The following FANK1 variants were observed in gnomAD, a reference collection of about 807,000 sequenced individuals.
The protein encoded by FANK1 is fibronectin type III and ankyrin repeat domains 1.
Under a neutral mutation model 45.3 loss-of-function variants are expected in FANK1, and 44 were observed. The ratio of observed to expected loss-of-function variants is 0.97; its 90% confidence interval spans 0.76 to 1.25. The LOEUF (loss-of-function observed/expected upper bound fraction) is 1.25, where lower values mean the gene tolerates loss of function less well. FANK1 is among the 50% of genes most tolerant of loss of function. FANK1 has a pLI of 0.00. For synonymous variants in FANK1, 149 were observed against 152.5 expected (o/e 0.98, Z 0.17); for missense variants, 391 against 424.4 (o/e 0.92, Z 0.69).
chr10:125,973,650 A>G (rs1170651659), intron 1 of FANK1: 1 of 159,180 alleles, frequency 6.3e-6, no homozygotes, highest in Non-Finnish European at 1.3e-5. Flanking sequence ...TTTTAAACAT[A>G]TCAAAATTAT....
At chr10:125,918,647 CACCATTT>C (rs1946688482) in intron 1 of FANK1, among the ~76,000 whole-genome samples, 1 of 131,228 alleles carries the variant, frequency 7.6e-6, no homozygotes, top group South Asian at 2.5e-4. Context: ...ATTTTATAAG[CACCATTT>C]ACCATTTGAT....
intron 1 of FANK1, among the ~76,000 whole-genome samples, chr10:125,920,868 T>C (rs1254543773): frequency 1.3e-5 from 2 of 152,272 alleles, no homozygotes; most frequent in Non-Finnish European, 2.9e-5. Flanking sequence ...GGGAGATACC[T>C]ATATGCACTA....
intron 1 of FANK1, among the ~76,000 whole-genome samples, chr10:125,940,124 C>G (rs1451069262): frequency 2.0e-5 from 3 of 152,050 alleles, no homozygotes; most frequent in Non-Finnish European, 2.9e-5. Context: ...TATTTCTCAT[C>G]AGGTGGGACA....
intron 2 of FANK1, among the ~76,000 whole-genome samples, chr10:125,988,282 G>A (rs1043810212): frequency 1.3e-5 from 2 of 152,154 alleles, no homozygotes; most frequent in African/African-American, 4.8e-5. Flanking sequence ...CGTGGTTAAC[G>A]TGATTATTTC....
chr10:125,943,278 T>G (rs1429865544), intron 1 of FANK1, among the ~76,000 whole-genome samples: 1 of 152,166 alleles, frequency 6.6e-6, no homozygotes, highest in African/African-American at 2.4e-5. Flanking sequence ...TAGCCTAAAA[T>G]TGTTTTTCTA....
chr10:125,983,379 G>A lies in FANK1; in HGVS notation c.191+3041G>A, dbSNP rs967182724. ...CCGTGTGTCAGACACTGCTCCGGAT[G>A]CTGGGGATACGGCACTGGGAAAAAA... On this transcript the variant is annotated intron_variant, in intron 2 of 10. Transcript: ENST00000368693. This position sits in a 1 kb window ranked among gnomAD's most constrained non-coding sequence, Gnocchi z 4.3. Among the ~76,000 whole-genome samples, 3 of 152,168 alleles carry A rather than the reference G, an allele frequency of 2.0e-5. No homozygotes were observed. The highest frequency in any genetic ancestry group is 7.2e-5 in the African/African-American group (3 of 41,424).
At chr10:125,953,987 G>T (rs924356465) in intron 1 of FANK1, among the ~76,000 whole-genome samples, 25 of 146,302 alleles carry the variant, frequency 1.7e-4, no homozygotes, top group African/African-American at 3.7e-4. Context: ...GGTGCTGCTC[G>T]CAAGTTTGGT....
At chr10:125,968,155 C>G (rs1950291109) in intron 1 of FANK1, among the ~76,000 whole-genome samples, 1 of 151,586 alleles carries the variant, frequency 6.6e-6, no homozygotes, top group African/African-American at 2.4e-5. Context: ...ATGATAGGGT[C>G]TCTCTAGGTT....
At chr10:125,985,099 T>TG (rs71486562) in intron 2 of FANK1, among the ~76,000 whole-genome samples, 52,688 of 152,158 alleles carry the variant, frequency 0.35, 9,776 homozygotes, top group South Asian at 0.45. Flanking sequence ...CTAACACAGT[T>TG]GCGTTATTTC....
chr10:125,905,401 G>A (rs1329403025), intron 1 of FANK1, among the ~76,000 whole-genome samples: 1 of 152,364 alleles, frequency 6.6e-6, no homozygotes, highest in African/African-American at 2.4e-5. Context: ...TGTTTTTGTG[G>A]GAAAGTTTTA....
At chr10:125,997,612 G>T (rs754087885) in intron 6 of FANK1, 127 bp downstream of exon 6, 84 of 786,742 alleles carry the variant, frequency 1.1e-4, no homozygotes, top group Non-Finnish European at 1.5e-4. Context: ...GAGGTGAGTG[G>T]GTCGCTGAGG....
At chr10:125,939,078 G>A (rs898194465) in intron 1 of FANK1, among the ~76,000 whole-genome samples, 1 of 152,100 alleles carries the variant, frequency 6.6e-6, no homozygotes, top group African/African-American at 2.4e-5. Flanking sequence ...TTTGCTAAAA[G>A]TGTTTAATTT....
At chr10:125,998,767 C>T (rs1030444114) in intron 6 of FANK1, among the ~76,000 whole-genome samples, 4 of 152,080 alleles carry the variant, frequency 2.6e-5, no homozygotes, top group Non-Finnish European at 5.9e-5. Context: ...AAATTTAAAC[C>T]GCCAAGTCAA....
intron 1 of FANK1, among the ~76,000 whole-genome samples, chr10:125,927,023 C>A (rs1240508429): frequency 6.6e-6 from 1 of 152,224 alleles, no homozygotes; most frequent in African/African-American, 2.4e-5. Context: ...GCTGCTCTTA[C>A]CTCCTCTCGA....
chr10:125,960,279 G>C, intron 1 of FANK1: 1 of 297,774 alleles, frequency 3.4e-6, no homozygotes. Context: ...ATCCTTTCAG[G>C]CATTCTGCAT....
At chr10:125,991,710 C>T (rs567513104) in intron 3 of FANK1, among the ~76,000 whole-genome samples, 2 of 152,182 alleles carry the variant, frequency 1.3e-5, no homozygotes, top group East Asian at 3.9e-4. Flanking sequence ...CAGTTGGGCC[C>T]TTATAAAGAA....
In FANK1 at chr10:126,008,447, T is replaced by C. The variant is rs1953403449; in HGVS notation, c.746T>C (p.Met249Thr). The C allele has an allele frequency of 1.9e-6, 3 of 1,607,922 alleles. No individual in the cohort carries two copies. The highest frequency in any genetic ancestry group is 1.1e-5 in the South Asian group (1 of 90,806). Reference sequence around the variant, plus strand: ...ACTGGTTCAGGATGGACCCCACTCATGAGAGTCTCTGCGGTGTCGGGAAAT... The same window carrying C: ...ACTGGTTCAGGATGGACCCCACTCACGAGAGTCTCTGCGGTGTCGGGAAAT... ...VDTGSGWTPLMRVSAVSGNQR... is the reference protein window; with the variant it reads ...VDTGSGWTPLTRVSAVSGNQR... The change falls in exon 8 of 11, where the codon ATG becomes ACG. Residue 249 changes from methionine to threonine, a missense_variant. Transcript: ENST00000368693.
At chr10:125,998,322 T>C (rs1477808167) in intron 6 of FANK1, among the ~76,000 whole-genome samples, 1 of 152,244 alleles carries the variant, frequency 6.6e-6, no homozygotes, top group African/African-American at 2.4e-5. Context: ...AGAAGGCCTA[T>C]CTTCTACATT....
intron 1 of FANK1, among the ~76,000 whole-genome samples, chr10:125,961,205 TAAG>T (rs1949905024): frequency 6.6e-6 from 1 of 152,158 alleles, no homozygotes; most frequent in African/African-American, 2.4e-5. Flanking sequence ...TTCCTGGGCT[TAAG>T]AAATCCTCGT....
Sources: allele counts gnomAD v4.1 joint callset (sites outside exome capture counted in the v4.1 genomes callset), GRCh38; gene constraint gnomAD v4.1.1; non-coding constraint Gnocchi (gnomAD v3.1); transcripts MANE v1.5; gene names NCBI Gene and HGNC (gene_info 2026-07-23, HGNC 2026-07-21).